RAB27A: variants seen among roughly 807,000 people sequenced by gnomAD.
RAB27A encodes the protein RAB27A, member RAS oncogene family.
Under a neutral mutation model 20.8 loss-of-function variants are expected in RAB27A, and 17 were observed. That is an observed-to-expected ratio of 0.82 (90% CI 0.56 to 1.23). The LOEUF (loss-of-function observed/expected upper bound fraction) is 1.23. Ranked by LOEUF, RAB27A falls within the 50% of genes most tolerant of loss-of-function variation. The probability of loss-of-function intolerance (pLI) is 0.00; values close to 1 mark genes in which losing one functional copy is unlikely to be tolerated. For missense variants in RAB27A, 277 were observed against 266.7 expected, an observed-to-expected ratio of 1.04 and a Z score of -0.27; for synonymous variants, 85 against 92.8, an observed-to-expected ratio of 0.92 and a Z score of 0.48.
intron 6 of RAB27A, among the ~76,000 whole-genome samples, chr15:55,219,655 C>T (rs769038282): frequency 6.6e-5 from 10 of 152,208 alleles, no homozygotes; most frequent in Admixed American, 2.0e-4. Flanking sequence ...GCCAATATTT[C>T]ATTCAGCTTT....
upstream of RAB27A, among the ~76,000 whole-genome samples, chr15:55,294,354 A>G (rs751231057): frequency 6.6e-6 from 1 of 152,124 alleles, no homozygotes; most frequent in East Asian, 1.9e-4. Context: ...TTGGGAGGCC[A>G]ACATAGGTAG....
At chr15:55,304,529 C>T (rs1392790677) in intron 2 of RAB27A, among the ~76,000 whole-genome samples, 3 of 152,054 alleles carry the variant, frequency 2.0e-5, no homozygotes, top group Non-Finnish European at 4.4e-5. Context: ...ATCCCCCCTT[C>T]ATTCAACCCC....
intron 2 of RAB27A, among the ~76,000 whole-genome samples, chr15:55,269,314 A>G (rs540024500): frequency 3.9e-4 from 59 of 152,370 alleles, no homozygotes; most frequent in African/African-American, 1.4e-3. Context: ...TCGTATTTCT[A>G]AAATATATGG....
intron 4 of RAB27A, 23 bp from the exon 5 acceptor site, chr15:55,228,735 G>A: frequency 6.5e-7 from 1 of 1,550,316 alleles, no homozygotes; most frequent in Non-Finnish European, 8.9e-7. Flanking sequence ...AAGCAGAATG[G>A]TCAGTTAAAC....
chr15:55,242,842 G>A (rs1284066978), intron 2 of RAB27A, among the ~76,000 whole-genome samples: 1 of 152,156 alleles, frequency 6.6e-6, no homozygotes, highest in Non-Finnish European at 1.5e-5. Context: ...TAAATGAATA[G>A]TCTGAAATAA....
At chr15:55,255,955 A>T (rs1475403516) in intron 2 of RAB27A, among the ~76,000 whole-genome samples, 1 of 152,250 alleles carries the variant, frequency 6.6e-6, no homozygotes, top group African/African-American at 2.4e-5. Flanking sequence ...GTGGTGAGCC[A>T]GACAGCTTCC....
chr15:55,246,813 A>G (rs1896704478), intron 2 of RAB27A, among the ~76,000 whole-genome samples: 1 of 152,134 alleles, frequency 6.6e-6, no homozygotes, highest in Admixed American at 6.5e-5. Context: ...AGAAGCAAGC[A>G]GTCTCCAAGA....
chr15:55,284,940 CA>C (rs1356607278), intron 1 of RAB27A, among the ~76,000 whole-genome samples: 2 of 152,146 alleles, frequency 1.3e-5, no homozygotes, highest in African/African-American at 2.4e-5. Context: ...GCACAATCAC[CA>C]AAAATCAGCC....
chr15:55,274,796 A>T (rs531942834), intron 1 of RAB27A, among the ~76,000 whole-genome samples: 39 of 78,630 alleles, frequency 5.0e-4, no homozygotes, highest in East Asian at 1.4e-3. Context: ...TAAATAAATT[A>T]TATATATATA....
intron 1 of RAB27A, among the ~76,000 whole-genome samples, chr15:55,276,378 T>C (rs1183926305): frequency 6.6e-6 from 1 of 152,162 alleles, no homozygotes; most frequent in Non-Finnish European, 1.5e-5. Flanking sequence ...AAAAATACTA[T>C]GTGATCTCCC....
intron 2 of RAB27A, among the ~76,000 whole-genome samples, chr15:55,260,975 G>A (rs1031847115): frequency 2.0e-5 from 3 of 151,344 alleles, no homozygotes; most frequent in Admixed American, 6.6e-5. Context: ...TGTAACAAAC[G>A]TACCACTCTG....
rs551197795 is a variant in RAB27A at position 55,275,560 on chromosome 15, A to C, written c.-142-5276T>G. ...GAGAATCACTTGAGCCTGGAGGCAG[A>C]GGTTGCAGTGAGCAGAGGTTGTGCC... On this transcript the variant is annotated intron_variant, in intron 1 of 6. Transcript: ENST00000336787. Among the ~76,000 whole-genome samples the C allele has an allele frequency of 3.3e-5, 5 of 152,184 alleles. No individual in the cohort carries two copies. In the East Asian group the frequency reaches 9.7e-4, roughly 29 times the overall value.
chr15:55,224,037 T>G, intron 5 of RAB27A, 25 bp from the exon 6 acceptor site: 1 of 1,500,832 alleles, frequency 6.7e-7, no homozygotes, highest in Non-Finnish European at 9.2e-7. Flanking sequence ...AAGTTTATTA[T>G]ATATGTAAAT....
intron 3 of RAB27A, among the ~76,000 whole-genome samples, chr15:55,232,325 A>G (rs1896062587): frequency 6.6e-6 from 1 of 152,238 alleles, no homozygotes; most frequent in South Asian, 2.1e-4. Context: ...AGCAACGACA[A>G]AAATAAATAA....
chr15:55,210,193 G>GTA (rs1275414164), intron 6 of RAB27A, among the ~76,000 whole-genome samples: 4,386 of 140,380 alleles, frequency 0.031, 293 homozygotes, highest in African/African-American at 0.11. Flanking sequence ...ATATGTATGT[G>GTA]TGTATACATA....
intron 6 of RAB27A, among the ~76,000 whole-genome samples, chr15:55,211,280 T>C (rs934636266): frequency 1.3e-5 from 2 of 152,262 alleles, no homozygotes; most frequent in Middle Eastern, 3.4e-3. Context: ...TTTTTTTCGA[T>C]ATTTGTGAAG....
intron 2 of RAB27A, among the ~76,000 whole-genome samples, chr15:55,247,499 A>G (rs1303247073): frequency 6.6e-6 from 1 of 152,202 alleles, no homozygotes; most frequent in Non-Finnish European, 1.5e-5. Context: ...ATCTTCCTAG[A>G]ACATGAAACA....
intron 6 of RAB27A, among the ~76,000 whole-genome samples, chr15:55,220,555 G>T (rs1440327597): frequency 1.3e-5 from 2 of 152,172 alleles, no homozygotes; most frequent in African/African-American, 4.8e-5. Context: ...GCAGGTATGA[G>T]CCACCACACC....
chr15:55,293,914 G>C (rs1298031520), upstream of RAB27A, among the ~76,000 whole-genome samples: 1 of 150,786 alleles, frequency 6.6e-6, no homozygotes, highest in African/African-American at 2.4e-5. Flanking sequence ...AAACTTCTCA[G>C]ATAAAAAAAA....
Sources: allele counts gnomAD v4.1 joint callset (sites outside exome capture counted in the v4.1 genomes callset), GRCh38; gene constraint gnomAD v4.1.1; transcripts MANE v1.5; gene names NCBI Gene and HGNC (gene_info 2026-07-23, HGNC 2026-07-21).